The following TMTC1 variants were observed in gnomAD, a reference collection of about 807,000 sequenced individuals.
TMTC1 encodes transmembrane O-mannosyltransferase targeting cadherins 1.
TMTC1 carries 73 observed loss-of-function variants against 104.8 expected under a neutral mutation model. The ratio of observed to expected loss-of-function variants is 0.70; its 90% CI spans 0.58 to 0.85. The LOEUF (loss-of-function observed/expected upper bound fraction) is 0.85. Among genes scored for constraint, TMTC1 ranks in the 40% least tolerant of loss-of-function variants. TMTC1 has a pLI of 0.00. For missense variants in TMTC1, 1,035 were observed against 1,096.1 expected (o/e 0.94, Z 0.79); for synonymous variants, 434 against 428.7 (o/e 1.01, Z -0.15).
chr12:29,760,968 A>G (rs887008279), intron 2 of TMTC1, among the ~76,000 whole-genome samples: 3 of 146,064 alleles, frequency 2.1e-5, no homozygotes, highest in Non-Finnish European at 4.5e-5. Context: ...TATATCATAT[A>G]TTATTTATAT....
intron 11 of TMTC1, among the ~76,000 whole-genome samples, chr12:29,521,373 C>T (rs1483773276): frequency 1.3e-5 from 2 of 152,086 alleles, no homozygotes; most frequent in Admixed American, 6.5e-5. Flanking sequence ...GAGCTGCTCC[C>T]TCCAACAGGT....
In TMTC1 at chr12:29,679,691, T is replaced by C. The variant is rs1940847475; in HGVS notation, c.939-46355A>G. Among the ~76,000 whole-genome samples, 3 of 148,748 alleles carry C rather than the reference T, an allele frequency of 2.0e-5. No individual in the cohort carries two copies. The South Asian group carries it at 6.4e-4, about 32-fold the overall frequency. ...ACATTAAATTAAAGCTAAACCAAACTGAAGAAGAGAAGAATAAAAAAAGAA... is the reference window on the plus strand; with the variant it reads ...ACATTAAATTAAAGCTAAACCAAACCGAAGAAGAGAAGAATAAAAAAAGAA... On this transcript the variant is annotated intron_variant, in intron 5 of 17. Coordinates refer to ENST00000539277, the MANE Select transcript of TMTC1 (RefSeq NM_001193451.2).
intron 4 of TMTC1, among the ~76,000 whole-genome samples, chr12:29,752,632 T>A (rs974519692): frequency 6.6e-6 from 1 of 151,876 alleles, no homozygotes; most frequent in Non-Finnish European, 1.5e-5. Context: ...GAAAAATGGA[T>A]AATGATAATT....
chr12:29,538,970 T>C (rs1457913635), intron 10 of TMTC1, among the ~76,000 whole-genome samples: 1 of 152,194 alleles, frequency 6.6e-6, no homozygotes, highest in Non-Finnish European at 1.5e-5. Context: ...CTAACAGACA[T>C]CACATGCCAC....
Position 29,755,817 on chromosome 12 carries a change from C to G in TMTC1, c.623G>C (p.Ser208Thr). 6.2e-7 allele frequency: 1 copy of G among 1,614,174 alleles called. No homozygotes were observed. Among genetic ancestry groups the G allele is most frequent in the Admixed American group, 1.7e-5 (1 of 60,024 alleles). The change falls in exon 4 of 18, where the codon AGT becomes ACT. Residue 208 changes from serine (S) to threonine (T), a missense_variant. Transcript: ENST00000539277. ...STVSPFFLLLSLFLGTCAMLV... is the reference protein window; with the variant it reads ...STVSPFFLLLTLFLGTCAMLV... The stretch of plus-strand genomic sequence containing the variant: ...CATCGCACAGGTCCCCAGAAACAAA[C>G]TGAGCAGCAAGAAGAAGGGAGACAC...
intron 1 of TMTC1, among the ~76,000 whole-genome samples, chr12:29,779,039 G>A (rs1407989053): frequency 6.6e-6 from 1 of 152,144 alleles, no homozygotes; most frequent in Non-Finnish European, 1.5e-5. Context: ...AATGCAAGAG[G>A]CTTGCAAAAA....
chr12:29,574,213 T>A (rs2136305848), intron 8 of TMTC1, among the ~76,000 whole-genome samples: 1 of 152,170 alleles, frequency 6.6e-6, no homozygotes, highest in Middle Eastern at 3.4e-3. Flanking sequence ...ATTCATTCAT[T>A]CACTTATAGA....
At chr12:29,710,624 A>T (rs964380333) in intron 5 of TMTC1, among the ~76,000 whole-genome samples, 3 of 142,198 alleles carry the variant, frequency 2.1e-5, no homozygotes, top group Non-Finnish European at 3.0e-5. Context: ...ATTTATATTT[A>T]TATTTTTATA....
chr12:29,508,774 C>T (rs1395035590), intron 17 of TMTC1, among the ~76,000 whole-genome samples: 2 of 152,082 alleles, frequency 1.3e-5, no homozygotes, highest in Non-Finnish European at 2.9e-5. Flanking sequence ...CAAAGGGTTT[C>T]ACCATGTTGG....
intron 2 of TMTC1, 151 bp from the exon 3 acceptor site, chr12:29,758,928 G>T: frequency 1.5e-6 from 1 of 652,646 alleles, no homozygotes; most frequent in Non-Finnish European, 2.5e-6. Context: ...CTGATATATG[G>T]CTAAGCACCT....
At chr12:29,522,371 C>G (rs1461204725) in intron 11 of TMTC1, among the ~76,000 whole-genome samples, 1 of 152,148 alleles carries the variant, frequency 6.6e-6, no homozygotes, top group Non-Finnish European at 1.5e-5. Context: ...TGTGGTTTGT[C>G]AAACTTCATC....
At chr12:29,728,508 G>A (rs1197785676) in intron 5 of TMTC1, among the ~76,000 whole-genome samples, 2 of 152,156 alleles carry the variant, frequency 1.3e-5, no homozygotes. Flanking sequence ...GTCAGGGAAA[G>A]GAATGACTAC....
intron 11 of TMTC1, among the ~76,000 whole-genome samples, chr12:29,527,699 T>A (rs1944388169): frequency 6.6e-6 from 1 of 152,238 alleles, no homozygotes; most frequent in African/African-American, 2.4e-5. Flanking sequence ...ACACCACTAT[T>A]AACCACAGTT....
intron 5 of TMTC1, among the ~76,000 whole-genome samples, chr12:29,712,061 C>A (rs920587522): frequency 1.4e-5 from 2 of 140,774 alleles, no homozygotes; most frequent in African/African-American, 2.6e-5. Flanking sequence ...AGCAGGTCAT[C>A]TTTGGGAAGC....
intron 16 of TMTC1, among the ~76,000 whole-genome samples, chr12:29,514,016 C>T (rs1943912693): frequency 6.6e-6 from 1 of 152,014 alleles, no homozygotes; most frequent in African/African-American, 2.4e-5. Context: ...AGTAAGGTCA[C>T]AGGGAATAAG....
chr12:29,783,771 C>T lies in TMTC1; in HGVS notation c.-20G>A, dbSNP rs1943895729. On this transcript the variant is annotated 5_prime_UTR_variant, in exon 1 of 18. Coordinates refer to ENST00000539277, the MANE Select transcript of TMTC1 (RefSeq NM_001193451.2). This position sits in a 1 kb window ranked among gnomAD's most constrained non-coding sequence, Gnocchi z 4.7. The stretch of plus-strand genomic sequence containing the variant: ...CACCATCGCGCCGCCGCCGCCGCTG[C>T]TGCCCTGGCCTCTCCCGGGCGTCTG... The T allele has an allele frequency of 6.1e-6, 7 of 1,139,326 alleles. No individual in the cohort carries two copies. The highest frequency in any genetic ancestry group is 7.5e-6 in the Non-Finnish European group (7 of 931,062). 70.6% of individuals were successfully genotyped at this position (1,139,326 alleles called of 1,614,324 possible).
chr12:29,697,635 G>A (rs976822991), intron 5 of TMTC1, among the ~76,000 whole-genome samples: 1 of 152,200 alleles, frequency 6.6e-6, no homozygotes, highest in African/African-American at 2.4e-5. Flanking sequence ...GAGAGCCAGG[G>A]TTCTAGCCCA....
At chr12:29,559,281 C>T (rs1031730521) in intron 9 of TMTC1, among the ~76,000 whole-genome samples, 2 of 152,176 alleles carry the variant, frequency 1.3e-5, no homozygotes, top group African/African-American at 4.8e-5. Flanking sequence ...ACCATGGGCT[C>T]ACCCATGTAA....
At chr12:29,507,926 C>G (rs1943736054) in intron 17 of TMTC1, among the ~76,000 whole-genome samples, 1 of 152,186 alleles carries the variant, frequency 6.6e-6, no homozygotes, top group South Asian at 2.1e-4. Flanking sequence ...ACCAGTGACC[C>G]TCTACATTTC....
Sources: allele counts gnomAD v4.1 joint callset (sites outside exome capture counted in the v4.1 genomes callset), GRCh38; gene constraint gnomAD v4.1.1; non-coding constraint Gnocchi (gnomAD v3.1); transcripts MANE v1.5; gene names NCBI Gene and HGNC (gene_info 2026-07-23, HGNC 2026-07-21).